Variants in CLSTN2 observed in about 807,000 individuals in gnomAD.
The protein encoded by CLSTN2 is calsyntenin 2, also known as calsyntenin-2.
A neutral mutation model predicts 101.2 loss-of-function variants in CLSTN2; 48 were observed. The ratio of observed to expected loss-of-function variants is 0.47; its 90% CI spans 0.38 to 0.60. The LOEUF (loss-of-function observed/expected upper bound fraction) is 0.60. CLSTN2 is among the 20% of genes least tolerant of loss of function. The probability of loss-of-function intolerance (pLI) is 0.00; values close to 1 mark genes in which losing one functional copy is unlikely to be tolerated. For missense variants in CLSTN2, 1,160 were observed against 1,238.2 expected, an observed-to-expected ratio of 0.94 and a Z score of 0.95; for synonymous variants, 481 against 463.6, an observed-to-expected ratio of 1.04 and a Z score of -0.48.
chr3:140,091,357 C>A (rs1305288427), intron 1 of CLSTN2, among the ~76,000 whole-genome samples: 1 of 152,080 alleles, frequency 6.6e-6, no homozygotes, highest in East Asian at 1.9e-4. Context: ...ACACAGGCAG[C>A]CCTCATCCTG....
intron 2 of CLSTN2, among the ~76,000 whole-genome samples, chr3:140,284,468 T>C (rs2086878222): frequency 6.6e-6 from 1 of 152,138 alleles, no homozygotes; most frequent in African/African-American, 2.4e-5. Context: ...TGACTTTTTT[T>C]CCTAAGAAAA....
chr3:140,117,020 T>C (rs2009254965), intron 1 of CLSTN2, among the ~76,000 whole-genome samples: 1 of 152,180 alleles, frequency 6.6e-6, no homozygotes. Context: ...TTTCCCCTGC[T>C]CTGCTGTTCC....
intron 10 of CLSTN2, among the ~76,000 whole-genome samples, chr3:140,551,335 C>T (rs1312358599): frequency 6.6e-6 from 1 of 152,134 alleles, no homozygotes; most frequent in East Asian, 1.9e-4. Context: ...CTTTACCTGT[C>T]TTCTTCTGAA....
intron 8 of CLSTN2, among the ~76,000 whole-genome samples, chr3:140,518,312 C>G (rs981617820): frequency 2.6e-5 from 4 of 152,196 alleles, no homozygotes; most frequent in African/African-American, 7.2e-5. Context: ...CTGATTCACT[C>G]TCACCTCCAG....
chr3:140,296,685 G>GTTAGTTTTCTCTATAGAGGTTT (rs1466696115), intron 2 of CLSTN2, among the ~76,000 whole-genome samples: 6 of 152,216 alleles, frequency 3.9e-5, no homozygotes, highest in African/African-American at 1.4e-4. Context: ...ATTTGCCTAA[G>GTTAGTTTTCTCTATAGAGGTTT]TTAGTTTTCT....
chr3:140,476,895 G>A lies in CLSTN2; in HGVS notation c.1344+10164G>A, dbSNP rs181306474. On this transcript the variant is annotated intron_variant, in intron 8 of 16. Transcript: ENST00000458420. ...AGGATGGTCTCGATCTCCTGACCTCGTGATCCACCCGCCTTGGCCTCCCAA... is the reference window on the plus strand; with the variant it reads ...AGGATGGTCTCGATCTCCTGACCTCATGATCCACCCGCCTTGGCCTCCCAA... 8.5e-5 allele frequency among the ~76,000 whole-genome samples: 13 copies of A among 152,106 alleles called. No homozygotes were observed. In the East Asian group the frequency reaches 9.7e-4, roughly 11 times the overall value.
At chr3:140,013,147 A>C (rs1220667579) in intron 1 of CLSTN2, among the ~76,000 whole-genome samples, 1 of 152,252 alleles carries the variant, frequency 6.6e-6, no homozygotes, top group Admixed American at 6.5e-5. Flanking sequence ...TGGTGGGGTC[A>C]CAGAACCAGT....
intron 1 of CLSTN2, among the ~76,000 whole-genome samples, chr3:140,021,153 C>G (rs1345589186): frequency 1.3e-5 from 2 of 152,200 alleles, no homozygotes; most frequent in African/African-American, 4.8e-5. Flanking sequence ...AGGTCTCCGT[C>G]CATGGGGGAA....
At chr3:140,164,732 G>A (rs191363909) in intron 1 of CLSTN2, among the ~76,000 whole-genome samples, 10 of 152,230 alleles carry the variant, frequency 6.6e-5, no homozygotes, top group Admixed American at 5.2e-4. Flanking sequence ...TCCTAGCCTT[G>A]CTCTTGGTTC....
chr3:140,295,319 G>C (rs1445252995), intron 2 of CLSTN2, among the ~76,000 whole-genome samples: 2 of 152,080 alleles, frequency 1.3e-5, no homozygotes, highest in African/African-American at 4.8e-5. Context: ...AAATCAGCTT[G>C]TATAGTGGGT....
intron 10 of CLSTN2, among the ~76,000 whole-genome samples, chr3:140,553,854 A>G (rs1935751870): frequency 6.6e-6 from 1 of 152,226 alleles, no homozygotes; most frequent in Non-Finnish European, 1.5e-5. Context: ...CAGGAAGGAA[A>G]GGAGAACAGG....
intron 1 of CLSTN2, among the ~76,000 whole-genome samples, chr3:140,025,303 C>A (rs2007396125): frequency 1.3e-5 from 2 of 152,168 alleles, no homozygotes. Context: ...AGAATACCTA[C>A]AGAAATGATG....
intron 1 of CLSTN2, among the ~76,000 whole-genome samples, chr3:140,050,670 TTTTTGCTG>T (rs1355483928): frequency 6.6e-6 from 1 of 152,098 alleles, no homozygotes; most frequent in Non-Finnish European, 1.5e-5. Flanking sequence ...GCCCTTCAGT[TTTTTGCTG>T]TTTTGTCAAA....
At chr3:140,527,722 G>A (rs929284040) in intron 8 of CLSTN2, among the ~76,000 whole-genome samples, 4 of 152,156 alleles carry the variant, frequency 2.6e-5, no homozygotes, top group Non-Finnish European at 5.9e-5. Context: ...ATACACCATG[G>A]AATACTATGC....
At chr3:140,492,013 A>T (rs1934362951) in intron 8 of CLSTN2, among the ~76,000 whole-genome samples, 1 of 152,200 alleles carries the variant, frequency 6.6e-6, no homozygotes, top group African/African-American at 2.4e-5. Context: ...AAAAGACCCA[A>T]AAAAGCCCTT....
chr3:140,353,270 T>TATATATA (rs2087631966), intron 2 of CLSTN2, among the ~76,000 whole-genome samples: 1 of 146,944 alleles, frequency 6.8e-6, no homozygotes, highest in South Asian at 2.1e-4. Flanking sequence ...TATATGTTTA[T>TATATATA]TAAGTTTTAA....
intron 4 of CLSTN2, among the ~76,000 whole-genome samples, chr3:140,412,014 T>A (rs182456439): frequency 6.1e-4 from 93 of 152,240 alleles, no homozygotes; most frequent in African/African-American, 2.1e-3. Context: ...GGGAGATTTG[T>A]TTTTGTTTTT....
rs1025097329 is a variant in CLSTN2, at chr3:140,387,114, C to A, written c.233-16515C>A. On this transcript the variant is annotated intron_variant, in intron 2 of 16. Coordinates refer to ENST00000458420, the MANE Select transcript of CLSTN2 (RefSeq NM_022131.3). ...TGAGATGAGGAAGTACAGATTCTTG[C>A]CTCATGGAGCTCTGAGGAGAAAAAA... Among the ~76,000 whole-genome samples the A allele has an allele frequency of 3.9e-5, 6 of 152,222 alleles. No homozygotes were observed. The South Asian group carries it at 1.2e-3, about 32-fold the overall frequency.
chr3:140,471,023 G>A (rs982785295), intron 8 of CLSTN2, among the ~76,000 whole-genome samples: 2 of 152,208 alleles, frequency 1.3e-5, no homozygotes, highest in African/African-American at 2.4e-5. Context: ...TGGACAGCCA[G>A]GTAAATCTAT....
Sources: allele counts gnomAD v4.1 joint callset (sites outside exome capture counted in the v4.1 genomes callset), GRCh38; gene constraint gnomAD v4.1.1; transcripts MANE v1.5; gene names NCBI Gene and HGNC (gene_info 2026-07-23, HGNC 2026-07-21).